Variants in PLP1 observed in about 807,000 individuals in gnomAD.
PLP1 encodes myelin proteolipid protein.
In PLP1, 2 loss-of-function variants were observed where a neutral mutation model predicts 18.5. That is an observed-to-expected ratio of 0.11 (90% confidence interval 0.04 to 0.34). PLP1 has a LOEUF of 0.34. PLP1 is among the 10% of genes least tolerant of loss of function. The pLI, the probability that PLP1 is intolerant of heterozygous loss-of-function variation, is 1.00. For synonymous variants in PLP1, 86 were observed against 83.2 expected, an observed-to-expected ratio of 1.03 and a Z score of -0.19; for missense variants, 105 against 207.3, an observed-to-expected ratio of 0.51 and a Z score of 3.03.
intron 1 of PLP1, among the ~76,000 whole-genome samples, chrX:103,783,793 T>A (rs2074472842): frequency 8.9e-6 from 1 of 111,930 alleles, no homozygotes; most frequent in Non-Finnish European, 1.9e-5. Flanking sequence ...AATCCAAGCC[T>A]AAGTAATTAA....
rs772312288 is a variant in PLP1, at chrX:103,786,721, G to A, written c.448G>A (p.Asp150Asn). ...HCLGKWLGHP[D>N]KFVGITYALT... is the part of the protein sequence containing the mutation. ...TTTGGGAAAATGGCTAGGACATCCC[G>A]ACAAGGTGATCATCCTCAGGATTTT... Residue 150 changes from aspartate to asparagine, a missense_variant, in exon 3 of 7, where the codon GAC becomes AAC. Physicochemically the swap from Asp to Asn is conservative, Grantham distance 23. Transcript: ENST00000621218. The A allele has an allele frequency of 8.3e-6, 10 of 1,211,191 alleles. No homozygotes were observed. Among genetic ancestry groups the A allele is most frequent in the Non-Finnish European group, 1.0e-5 (9 of 895,071 alleles).
chrX:103,777,515 G>A (rs1360329595), intron 1 of PLP1, among the ~76,000 whole-genome samples: 2 of 112,351 alleles, frequency 1.8e-5, no homozygotes, highest in Non-Finnish European at 3.8e-5. Context: ...TCAGGTTCAG[G>A]AAATGAAAGT....
intron 1 of PLP1, among the ~76,000 whole-genome samples, chrX:103,778,963 G>T (rs72616842): frequency 0.01 from 1,160 of 111,832 alleles, 28 homozygotes; most frequent in East Asian, 0.099. Flanking sequence ...TTAAATGTTC[G>T]TACAGCCTCT....
intron 1 of PLP1, among the ~76,000 whole-genome samples, chrX:103,785,336 C>T (rs1295829102): frequency 3.6e-5 from 4 of 112,577 alleles, no homozygotes; most frequent in Non-Finnish European, 7.5e-5. Flanking sequence ...CTCAGCCTCC[C>T]AAAGTGCTGG....
At chrX:103,788,043 A>G in intron 4 of PLP1, 77 bp downstream of exon 4, 1 of 820,563 alleles carries the variant, frequency 1.2e-6, no homozygotes, top group Non-Finnish European at 1.8e-6. Flanking sequence ...TCTTAGTGTA[A>G]GGAGGGTGGT....
At chrX:103,780,435 CTCTCTG>C (rs199948260) in intron 1 of PLP1, among the ~76,000 whole-genome samples, 1,465 of 68,315 alleles carry the variant, frequency 0.021, 6 homozygotes, top group East Asian at 0.04. Context: ...CATTCTGTCT[CTCTCTG>C]TGTGTGTGTG....
At chrX:103,788,255 C>T (rs773630981) in intron 4 of PLP1, among the ~76,000 whole-genome samples, 182 bp from the exon 5 acceptor site, 2 of 111,859 alleles carry the variant, frequency 1.8e-5, no homozygotes, top group African/African-American at 3.3e-5. Flanking sequence ...CAAGGTTTCA[C>T]CACTGTTCAA....
intron 5 of PLP1, 124 bp downstream of exon 5, chrX:103,788,634 T>C (rs981821072): frequency 8.1e-6 from 5 of 614,442 alleles, no homozygotes; most frequent in Non-Finnish European, 1.4e-5. Flanking sequence ...CCGATTGCCT[T>C]CTACAACATG....
At chrX:103,776,767 G>A, upstream of PLP1, 1 of 302,074 alleles carries the variant, frequency 3.3e-6, no homozygotes, top group Non-Finnish European at 5.5e-6. Flanking sequence ...GAAAAGGGGA[G>A]GAGAAGGGAG....
upstream of PLP1, chrX:103,776,511 A>G (rs1490309265): frequency 1.7e-5 from 2 of 117,363 alleles, no homozygotes; most frequent in African/African-American, 6.5e-5. Context: ...CTCTCACTTC[A>G]TGGCTTCTCA....
Position 103,790,684 on chromosome X carries a change from C to A in PLP1, c.*86C>A. 1.4e-6 allele frequency: 1 copy of A among 707,500 alleles called. No homozygotes were observed. Among genetic ancestry groups the A allele is most frequent in the South Asian group, 2.1e-5 (1 of 47,168 alleles). The allele number at this position is 707,500 out of a possible 1,213,427, so 58.3% of individuals were successfully genotyped here. On this transcript the variant is annotated 3_prime_UTR_variant, in exon 7 of 7. Coordinates refer to ENST00000621218, the MANE Select transcript of PLP1 (RefSeq NM_000533.5). Reference sequence around the variant, plus strand: ...TGCGTCTCCCATCTTAACTCTTTGCCTTTGCCACCAACTGGCCCTCTTCTT... The same window carrying A: ...TGCGTCTCCCATCTTAACTCTTTGCATTTGCCACCAACTGGCCCTCTTCTT...
chrX:103,783,960 C>CATATATTTATATATATAT (rs1160032198), intron 1 of PLP1, among the ~76,000 whole-genome samples: 2 of 111,838 alleles, frequency 1.8e-5, no homozygotes, highest in Non-Finnish European at 3.8e-5. Flanking sequence ...TATATATATA[C>CATATATTTATATATATAT]ATACATATGA....
Position 103,780,897 on chromosome X carries a change from C to A in PLP1, c.4+3898C>A, listed in dbSNP as rs191454415. 5 of 117,561 alleles carry A rather than the reference C, an allele frequency of 4.3e-5. No individual in the cohort carries two copies. In the Admixed American group the frequency reaches 4.3e-4, roughly 10 times the overall value. The allele number at this position is 117,561 out of a possible 1,213,427, so 9.7% of individuals were successfully genotyped here. On this transcript the variant is annotated intron_variant, in intron 1 of 6. Transcript: ENST00000621218. ...CTACTGCAGGCCCTGATCAAGGAGG[C>A]CTCTGTTCATGGGGTAAGGTTAAGG... is the stretch of plus-strand genomic sequence containing the variant.
At chrX:103,786,180 A>G in intron 2 of PLP1, 1 of 1,122,314 alleles carries the variant, frequency 8.9e-7, no homozygotes, top group Non-Finnish European at 1.2e-6. Context: ...GTGAGTTAGC[A>G]TGTCTGAAGG....
chrX:103,780,981 G>T, intron 1 of PLP1: 1 of 147,443 alleles, frequency 6.8e-6, no homozygotes, highest in Non-Finnish European at 1.4e-5. Context: ...GGGAGGTGGG[G>T]CCAGTTTCTC....
chrX:103,786,845 G>A, intron 3 of PLP1, 119 bp downstream of exon 3: 2 of 764,396 alleles, frequency 2.6e-6, no homozygotes, highest in South Asian at 4.5e-5. Flanking sequence ...TTTGAGTGAG[G>A]AAGCGATGGC....
Position 103,790,706 on chromosome X carries a change from T to C in PLP1, c.*108T>C, listed in dbSNP as rs2074538202. 1.7e-6 allele frequency: 1 copy of C among 597,427 alleles called. No homozygotes were observed. 49.2% of individuals were successfully genotyped at this position (597,427 alleles called of 1,213,427 possible). A position where few individuals can be genotyped will look rare whatever the true frequency, so the allele number is the denominator to read the frequency against. ...TGCCTTTGCCACCAACTGGCCCTCT[T>C]CTTACTTGATGAGTGTAACAAGAAA... On this transcript the variant is annotated 3_prime_UTR_variant, in exon 7 of 7. Transcript: ENST00000621218.
chrX:103,784,034 G>T (rs189028868), intron 1 of PLP1, among the ~76,000 whole-genome samples: 3 of 112,233 alleles, frequency 2.7e-5, no homozygotes, highest in South Asian at 7.4e-4. Context: ...GGATCTGGCC[G>T]AGAGGCCAGA....
At chrX:103,780,435 C>CTGTGTGAGTG (rs759765185) in intron 1 of PLP1, among the ~76,000 whole-genome samples, 1 of 68,337 alleles carries the variant, frequency 1.5e-5, no homozygotes, top group Admixed American at 1.6e-4. Context: ...CATTCTGTCT[C>CTGTGTGAGTG]TCTCTGTGTG....
Sources: allele counts gnomAD v4.1 joint callset (sites outside exome capture counted in the v4.1 genomes callset), GRCh38; gene constraint gnomAD v4.1.1; transcripts MANE v1.5; gene names NCBI Gene and HGNC (gene_info 2026-07-23, HGNC 2026-07-21).